GSE1: variants seen among roughly 807,000 people sequenced by gnomAD.
The protein encoded by GSE1 is genetic suppressor element 1.
A neutral mutation model predicts 112.6 loss-of-function variants in GSE1; 32 were observed. That is an observed-to-expected ratio of 0.28 (90% CI 0.21 to 0.38). The LOEUF is 0.38. Among genes scored for constraint, GSE1 ranks in the 10% least tolerant of loss-of-function variants. GSE1 has a pLI of 1.00. For synonymous variants in GSE1, 1,115 were observed against 735.6 expected, an observed-to-expected ratio of 1.52 and a Z score of -8.35; for missense variants, 2,348 against 1,699.2, an observed-to-expected ratio of 1.38 and a Z score of -6.71.
At chr16:85,601,118 G>A (rs1275564822) in intron 1 of GSE1, among the ~76,000 whole-genome samples, 1 of 152,068 alleles carries the variant, frequency 6.6e-6, no homozygotes, top group African/African-American at 2.4e-5. Context: ...TCTGCTGGGG[G>A]AGGATACAGC....
chr16:85,330,467 G>C (rs2046313985), intron 1 of GSE1, among the ~76,000 whole-genome samples: 1 of 152,232 alleles, frequency 6.6e-6, no homozygotes, highest in Non-Finnish European at 1.5e-5. Context: ...CCTCCCAAGA[G>C]GGTGGATATG....
At chr16:85,358,553 G>A (rs1242247018) in intron 2 of GSE1, among the ~76,000 whole-genome samples, 1 of 152,138 alleles carries the variant, frequency 6.6e-6, no homozygotes, top group African/African-American at 2.4e-5. Flanking sequence ...AGCCGGGGAG[G>A]AGATGGACAG....
intron 1 of GSE1, among the ~76,000 whole-genome samples, chr16:85,213,690 G>C (rs2075264077): frequency 6.6e-6 from 1 of 152,258 alleles, no homozygotes; most frequent in Non-Finnish European, 1.5e-5. Flanking sequence ...CCAGAGTCTA[G>C]AGCCTGGACT....
intron 2 of GSE1, among the ~76,000 whole-genome samples, chr16:85,636,717 G>C (rs1280110722): frequency 6.6e-6 from 1 of 152,208 alleles, no homozygotes; most frequent in Non-Finnish European, 1.5e-5. Context: ...CCGCCGTTAG[G>C]ACAGTTCTGA....
chr16:85,247,985 G>C (rs1906042859), intron 1 of GSE1, among the ~76,000 whole-genome samples: 1 of 152,256 alleles, frequency 6.6e-6, no homozygotes, highest in East Asian at 1.9e-4. Flanking sequence ...GCCCAGTGCT[G>C]TTGGGCTCAG....
At chr16:85,635,347 G>C (rs550878461) in intron 2 of GSE1, among the ~76,000 whole-genome samples, 40 of 152,292 alleles carry the variant, frequency 2.6e-4, no homozygotes, top group Non-Finnish European at 4.1e-4. Flanking sequence ...GGCACAGGCA[G>C]GACCGCCAGA....
chr16:85,331,443 G>C (rs1194727830), intron 1 of GSE1, among the ~76,000 whole-genome samples: 1 of 132,674 alleles, frequency 7.5e-6, no homozygotes, highest in Admixed American at 7.7e-5. Context: ...ATATATATGC[G>C]TATATATGTA....
chr16:85,248,741 C>G (rs953911389), intron 1 of GSE1, among the ~76,000 whole-genome samples: 10 of 152,216 alleles, frequency 6.6e-5, no homozygotes, highest in African/African-American at 2.4e-4. Flanking sequence ...GCCATCTCCC[C>G]CCATTGATAC....
intron 2 of GSE1, among the ~76,000 whole-genome samples, chr16:85,461,996 C>T (rs1446570480): frequency 1.3e-5 from 2 of 152,186 alleles, no homozygotes; most frequent in South Asian, 2.1e-4. Flanking sequence ...CACTTAGAGC[C>T]TCGGTGCTCA....
At chr16:85,492,549 C>A (rs2051043837) in intron 2 of GSE1, among the ~76,000 whole-genome samples, 1 of 152,216 alleles carries the variant, frequency 6.6e-6, no homozygotes, top group African/African-American at 2.4e-5. Context: ...AGGGGAGGTA[C>A]TTTCATATCA....
At chr16:85,287,717 C>T (rs963682814) in intron 1 of GSE1, among the ~76,000 whole-genome samples, 9 of 152,100 alleles carry the variant, frequency 5.9e-5, no homozygotes, top group Non-Finnish European at 1.0e-4. Context: ...CCACACCCCC[C>T]GATGCCATTT....
intron 14 of GSE1, among the ~76,000 whole-genome samples, chr16:85,668,989 G>A (rs144524170): frequency 3.3e-4 from 50 of 152,370 alleles, no homozygotes; most frequent in African/African-American, 1.0e-3. Context: ...GATCCCACCT[G>A]GGAATGCACA....
At chr16:85,548,025 A>C (rs566042792) in intron 2 of GSE1, among the ~76,000 whole-genome samples, 8 of 152,180 alleles carry the variant, frequency 5.3e-5, no homozygotes, top group Admixed American at 3.9e-4. Context: ...CAGGATATCG[A>C]GACCATCCTG....
intron 2 of GSE1, among the ~76,000 whole-genome samples, chr16:85,361,052 A>G (rs1174539682): frequency 2.0e-5 from 3 of 152,056 alleles, no homozygotes; most frequent in Admixed American, 6.5e-5. Flanking sequence ...CATATGCGAT[A>G]CACATATGGA....
At chr16:85,361,307 G>T (rs2047074382) in intron 2 of GSE1, among the ~76,000 whole-genome samples, 1 of 85,608 alleles carries the variant, frequency 1.2e-5, no homozygotes, top group Admixed American at 1.4e-4. Flanking sequence ...ACAGAGACAG[G>T]CACAGACCCC....
At chr16:85,643,951 C>T (rs891455916) in intron 2 of GSE1, among the ~76,000 whole-genome samples, 2 of 152,168 alleles carry the variant, frequency 1.3e-5, no homozygotes, top group Admixed American at 6.5e-5. Flanking sequence ...CACAAATGTC[C>T]ACATTTCCCC....
chr16:85,404,448 T>C (rs868212210), intron 2 of GSE1, among the ~76,000 whole-genome samples: 19 of 11,888 alleles, frequency 1.6e-3, no homozygotes, highest in Non-Finnish European at 1.5e-3. Context: ...TAATCCTCAC[T>C]GTTACACTCA....
intron 2 of GSE1, among the ~76,000 whole-genome samples, chr16:85,447,476 T>G (rs939427649): frequency 6.6e-6 from 1 of 152,208 alleles, no homozygotes; most frequent in African/African-American, 2.4e-5. Context: ...GCCACACTGG[T>G]GCGCTGTGAG....
At chr16:85,622,737 GAC>G in intron 1 of GSE1, among the ~76,000 whole-genome samples, 3 of 152,304 alleles carry the variant, frequency 2.0e-5, no homozygotes, top group Middle Eastern at 6.8e-3. Context: ...CCTTGGGGTT[GAC>G]ACACGCCAGA....
Sources: allele counts gnomAD v4.1 joint callset (sites outside exome capture counted in the v4.1 genomes callset), GRCh38; gene constraint gnomAD v4.1.1; transcripts MANE v1.5; gene names NCBI Gene and HGNC (gene_info 2026-07-23, HGNC 2026-07-21).